The following SLIT2 variants were observed in gnomAD, a reference collection of about 807,000 sequenced individuals.
The protein encoded by SLIT2 is slit homolog 2 protein.
SLIT2 carries 41 observed loss-of-function variants against 185.7 expected under a neutral mutation model. The observed-to-expected ratio is 0.22, with a 90% CI of 0.17 to 0.29. The LOEUF is 0.29. Among genes scored for constraint, SLIT2 ranks in the 10% least tolerant of loss-of-function variants. The pLI, the probability that SLIT2 is intolerant of heterozygous loss-of-function variation, is 1.00. For missense variants in SLIT2, 1,571 were observed against 1,909.0 expected (o/e 0.82, Z 3.30); for synonymous variants, 693 against 680.2 (o/e 1.02, Z -0.29).
intron 4 of SLIT2, among the ~76,000 whole-genome samples, chr4:20,339,533 T>C (rs1324358903): frequency 2.0e-5 from 3 of 152,186 alleles, no homozygotes; most frequent in Non-Finnish European, 4.4e-5. Flanking sequence ...CAAATGAATT[T>C]CTATGTGATT....
chr4:20,458,221 G>A lies in SLIT2; in HGVS notation c.396-9531G>A, dbSNP rs192204342. 2.0e-5 allele frequency among the ~76,000 whole-genome samples: 3 copies of A among 152,142 alleles called. No homozygotes were observed. The East Asian group carries it at 5.8e-4, about 29-fold the overall frequency. The stretch of plus-strand genomic sequence containing the variant: ...AAGTGGGTGAAATGGTAAATTTCAT[G>A]TTATAAAATAGTGGACTTTCTTATC... On this transcript the variant is annotated intron_variant, in intron 4 of 36. Coordinates refer to ENST00000504154, the MANE Select transcript of SLIT2 (RefSeq NM_004787.4).
chr4:20,573,696 G>A (rs879566655), intron 29 of SLIT2, among the ~76,000 whole-genome samples: 6 of 152,020 alleles, frequency 3.9e-5, no homozygotes, highest in Non-Finnish European at 8.8e-5. Context: ...ATAACTTTAA[G>A]CAAATATCTT....
At chr4:20,413,364 G>A (rs1300875446) in intron 4 of SLIT2, among the ~76,000 whole-genome samples, 1 of 151,800 alleles carries the variant, frequency 6.6e-6, no homozygotes, top group African/African-American at 2.4e-5. Flanking sequence ...CTTTTAAATT[G>A]AGACTTGTTC....
chr4:20,574,643 A>G (rs565063460), intron 29 of SLIT2, among the ~76,000 whole-genome samples: 84 of 152,134 alleles, frequency 5.5e-4, no homozygotes, highest in Middle Eastern at 3.4e-3. Flanking sequence ...AAAAATGAGC[A>G]GGGCGTTGCG....
intron 4 of SLIT2, among the ~76,000 whole-genome samples, chr4:20,329,168 A>G (rs7440671): frequency 0.87 from 132,073 of 151,886 alleles, 57,621 homozygotes; most frequent in African/African-American, 0.92. Context: ...ATTATAGGGT[A>G]TTAACTGTGC....
At chr4:20,533,820 C>T (rs1263454286) in intron 18 of SLIT2, 105 bp downstream of exon 18, 14 of 880,776 alleles carry the variant, frequency 1.6e-5, no homozygotes, top group Non-Finnish European at 2.3e-5. Flanking sequence ...CACCCCACTC[C>T]CTCTATCTCT....
intron 4 of SLIT2, among the ~76,000 whole-genome samples, chr4:20,298,250 G>A (rs544851329): frequency 2.6e-4 from 39 of 151,840 alleles, no homozygotes; most frequent in African/African-American, 8.0e-4. Flanking sequence ...CACCATGCCC[G>A]GCTAATTTTT....
Position 20,541,590 on chromosome 4 carries a change from T to C in SLIT2, c.2114T>C (p.Val705Ala). 1.2e-6 allele frequency: 2 copies of C among 1,614,018 alleles called. No individual in the cohort carries two copies. Among genetic ancestry groups the C allele is most frequent in the Non-Finnish European group, 1.7e-6 (2 of 1,179,880 alleles). Residue 705 changes from valine (V) to alanine (A), a missense_variant, in exon 20 of 37, where the codon GTG (valine) becomes GCG (alanine). This residue lies in a region of SLIT2 where 1,202 missense variants were observed against 1,416.4 expected (regional missense o/e 0.85). Transcript: ENST00000504154. The part of the protein sequence containing the change: ...YFLKEIPIQD[V>A]AIQDFTCDDG... ...CTGAAAGAAATACCCATCCAGGATG[T>C]GGCCATTCAGGACTTCACTTGTGAT...
At chr4:20,479,186 G>A (rs1716439045) in intron 5 of SLIT2, among the ~76,000 whole-genome samples, 1 of 152,132 alleles carries the variant, frequency 6.6e-6, no homozygotes, top group Non-Finnish European at 1.5e-5. Flanking sequence ...GTGTATGATT[G>A]TGTCCCCTAG....
chr4:20,318,997 C>T (rs1391305100), intron 4 of SLIT2, among the ~76,000 whole-genome samples: 1 of 152,098 alleles, frequency 6.6e-6, no homozygotes, highest in Admixed American at 6.6e-5. Context: ...TTTACTGCAA[C>T]TCCTATTGAA....
chr4:20,460,595 A>G (rs1213043093), intron 4 of SLIT2, among the ~76,000 whole-genome samples: 2 of 152,136 alleles, frequency 1.3e-5, no homozygotes, highest in Non-Finnish European at 2.9e-5. Flanking sequence ...GTAATTGTAA[A>G]TAGCTATTAT....
At chr4:20,431,190 A>G (rs575156013) in intron 4 of SLIT2, among the ~76,000 whole-genome samples, 1 of 152,296 alleles carries the variant, frequency 6.6e-6, no homozygotes, top group South Asian at 2.1e-4. Context: ...TTCTAAAACA[A>G]TACTTTCTTT....
intron 5 of SLIT2, among the ~76,000 whole-genome samples, chr4:20,471,915 G>C (rs973345428): frequency 6.6e-6 from 1 of 151,708 alleles, no homozygotes; most frequent in Non-Finnish European, 1.5e-5. Flanking sequence ...TTCTTAACTC[G>C]ATTAAATTTT....
chr4:20,521,019 A>G (rs1262225847), intron 12 of SLIT2, among the ~76,000 whole-genome samples: 2 of 152,202 alleles, frequency 1.3e-5, no homozygotes, highest in African/African-American at 4.8e-5. Context: ...GCTGTAACCA[A>G]GTATTGCCTA....
chr4:20,610,121 G>A lies in SLIT2; in HGVS notation c.3801G>A (p.Leu1267=), dbSNP rs1256776420. ...DGGNPKIITN[L]SKQSTLNFDS... The stretch of plus-strand genomic sequence containing the variant: ...GGAACCCCAAAATCATCACTAACTT[G>A]TCAAAGCAGTCCACTCTGAATTTTG... The change falls in exon 34 of 37, where the codon TTG becomes TTA. Residue 1267 remains leucine, a synonymous_variant. Transcript: ENST00000504154. The A allele has an allele frequency of 1.2e-6, 2 of 1,613,686 alleles. No homozygotes were observed. Among genetic ancestry groups the A allele is most frequent in the Non-Finnish European group, 8.5e-7 (1 of 1,179,742 alleles).
chr4:20,447,479 A>G (rs1711942835), intron 4 of SLIT2, among the ~76,000 whole-genome samples: 1 of 152,216 alleles, frequency 6.6e-6, no homozygotes, highest in Non-Finnish European at 1.5e-5. Context: ...TCAAGGTTAC[A>G]CTTATTCTAA....
At chr4:20,538,296 A>C (rs1722486089) in intron 18 of SLIT2, among the ~76,000 whole-genome samples, 4 of 151,944 alleles carry the variant, frequency 2.6e-5, no homozygotes, top group Admixed American at 2.6e-4. Context: ...GGGGCATGTG[A>C]CTCCAGCAAG....
rs139127730 is a variant in SLIT2 at position 20,595,802 on chromosome 4, C to T, written c.3288C>T (p.Asn1096=). Residue 1096 remains asparagine, a synonymous_variant, in exon 31 of 37, where the codon AAC becomes AAT. Transcript: ENST00000504154. The stretch of plus-strand genomic sequence containing the variant: ...GAGCCCACTGCACAGATGCAGTGAA[C>T]GGCTATACGTGCATATGCCCCGAAG... ...KNGAHCTDAV[N]GYTCICPEGY... 3.9e-3 allele frequency: 6,263 copies of T among 1,613,854 alleles called. 206 individuals are homozygous for T. The South Asian group carries it at 0.056, about 15-fold the overall frequency.
chr4:20,432,682 A>C (rs1729082605), intron 4 of SLIT2, among the ~76,000 whole-genome samples: 1 of 152,182 alleles, frequency 6.6e-6, no homozygotes, highest in African/African-American at 2.4e-5. Flanking sequence ...TGTAAGGGGA[A>C]TGTTTTGGAA....
Sources: allele counts gnomAD v4.1 joint callset (sites outside exome capture counted in the v4.1 genomes callset), GRCh38; gene constraint gnomAD v4.1.1; regional missense constraint gnomAD v4.1.1; transcripts MANE v1.5; gene names NCBI Gene and HGNC (gene_info 2026-07-23, HGNC 2026-07-21).